The following PPA2 variants were observed in gnomAD, a reference collection of about 807,000 sequenced individuals.
PPA2 encodes inorganic pyrophosphatase 2, mitochondrial.
Under a neutral mutation model 49.5 loss-of-function variants are expected in PPA2, and 48 were observed. The observed-to-expected ratio is 0.97, with a 90% CI of 0.77 to 1.23. The LOEUF (loss-of-function observed/expected upper bound fraction) is 1.23, where lower values mean the gene tolerates loss of function less well. PPA2 is among the 50% of genes most tolerant of loss of function. PPA2 has a pLI of 0.00. For missense variants in PPA2, 429 were observed against 410.1 expected (o/e 1.05, Z -0.40); for synonymous variants, 131 against 139.9 (o/e 0.94, Z 0.45).
At chr4:105,428,117 A>G (rs1723612489) in intron 6 of PPA2, among the ~76,000 whole-genome samples, 1 of 152,202 alleles carries the variant, frequency 6.6e-6, no homozygotes, top group African/African-American at 2.4e-5. Flanking sequence ...TAAGTGAAGG[A>G]GAGATAAAAT....
At chr4:105,442,246 CATT>C (rs1165211375) in intron 5 of PPA2, among the ~76,000 whole-genome samples, 4 of 152,154 alleles carry the variant, frequency 2.6e-5, no homozygotes, top group East Asian at 1.9e-4. Context: ...CAATCATCAT[CATT>C]GAGTTAATAT....
intron 10 of PPA2, among the ~76,000 whole-genome samples, chr4:105,376,955 C>T (rs41485844): frequency 6.6e-6 from 1 of 152,080 alleles, no homozygotes; most frequent in Non-Finnish European, 1.5e-5. Flanking sequence ...TTGCATAATG[C>T]CTAGAGTGTT....
chr4:105,420,400 C>A (rs987211407), intron 7 of PPA2, among the ~76,000 whole-genome samples: 2 of 152,074 alleles, frequency 1.3e-5, no homozygotes, highest in Non-Finnish European at 2.9e-5. Flanking sequence ...GCAACCATGC[C>A]GGCCAAGGAT....
chr4:105,384,132 C>T (rs1733596676), intron 10 of PPA2, among the ~76,000 whole-genome samples: 1 of 152,162 alleles, frequency 6.6e-6, no homozygotes, highest in Non-Finnish European at 1.5e-5. Flanking sequence ...CGAAATCATT[C>T]ATGAGGGTGC....
intron 7 of PPA2, among the ~76,000 whole-genome samples, chr4:105,416,336 C>A (rs1338078570): frequency 6.6e-6 from 1 of 152,104 alleles, no homozygotes; most frequent in African/African-American, 2.4e-5. Flanking sequence ...AAAAGTAATA[C>A]CCTATCTCTT....
At chr4:105,385,452 A>C (rs1455689297) in intron 10 of PPA2, among the ~76,000 whole-genome samples, 1 of 150,954 alleles carries the variant, frequency 6.6e-6, no homozygotes, top group African/African-American at 2.4e-5. Flanking sequence ...AAAAACAAAC[A>C]AAAAAAACAA....
rs571749567 is a variant in PPA2, at chr4:105,449,342, A to G, written c.321+8T>C. The G allele has an allele frequency of 8.4e-6, 13 of 1,538,716 alleles. No homozygotes were observed. Among genetic ancestry groups the G allele is most frequent in the Non-Finnish European group, 1.1e-5 (12 of 1,119,174 alleles). On this transcript the variant is annotated splice_region_variant and intron_variant, in intron 4 of 11. Coordinates refer to ENST00000341695, the MANE Select transcript of PPA2 (RefSeq NM_176869.3). ...TTTCGGTTTCATATTAATAAAGTATATCGGTACCTCCATTTTAGCATTTGT... is the reference window on the plus strand; with the variant it reads ...TTTCGGTTTCATATTAATAAAGTATGTCGGTACCTCCATTTTAGCATTTGT...
At chr4:105,443,912 C>G (rs1343089309) in intron 5 of PPA2, among the ~76,000 whole-genome samples, 1 of 152,168 alleles carries the variant, frequency 6.6e-6, no homozygotes, top group Non-Finnish European at 1.5e-5. Context: ...TCAAATAACA[C>G]CTTTTCACTG....
chr4:105,395,751 AGT>A (rs1734113252), intron 9 of PPA2, among the ~76,000 whole-genome samples: 2 of 152,164 alleles, frequency 1.3e-5, no homozygotes, highest in Non-Finnish European at 2.9e-5. Context: ...GTTATGTTAG[AGT>A]GTATATAAAA....
At chr4:105,461,674 G>T (rs1174336095) in intron 1 of PPA2, among the ~76,000 whole-genome samples, 1 of 152,148 alleles carries the variant, frequency 6.6e-6, no homozygotes, top group East Asian at 1.9e-4. Context: ...CAACTGAGGG[G>T]CTCAGAATTT....
chr4:105,410,200 A>G (rs1028438654), intron 7 of PPA2, among the ~76,000 whole-genome samples: 4 of 152,254 alleles, frequency 2.6e-5, no homozygotes, highest in African/African-American at 9.6e-5. Context: ...TAGAATAAAC[A>G]GTGTAGAGAA....
At chr4:105,428,556 G>A (rs987462367) in intron 6 of PPA2, among the ~76,000 whole-genome samples, 1 of 150,428 alleles carries the variant, frequency 6.6e-6, no homozygotes, top group Non-Finnish European at 1.5e-5. Context: ...TTTCAATCCT[G>A]GTCTCTGATA....
intron 1 of PPA2, chr4:105,473,621 G>A (rs1013391541): frequency 5.8e-6 from 4 of 685,246 alleles, no homozygotes; most frequent in African/African-American, 5.3e-5. Flanking sequence ...GAGGGCGGCT[G>A]GCAGGGCACA....
At chr4:105,453,823 A>G (rs1722766175) in intron 2 of PPA2, 181 bp from the exon 3 acceptor site, 1 of 435,552 alleles carries the variant, frequency 2.3e-6, no homozygotes, top group South Asian at 7.1e-5. Flanking sequence ...GTATCCCCAG[A>G]ATAGAGCATC....
intron 3 of PPA2, among the ~76,000 whole-genome samples, chr4:105,449,747 G>A (rs1375066622): frequency 1.3e-5 from 2 of 152,310 alleles, no homozygotes; most frequent in East Asian, 3.9e-4. Flanking sequence ...AGTCCCTCAT[G>A]TAAGGATTCA....
intron 10 of PPA2, among the ~76,000 whole-genome samples, chr4:105,377,486 T>C (rs1466542517): frequency 2.0e-5 from 3 of 152,076 alleles, no homozygotes; most frequent in Non-Finnish European, 2.9e-5. Flanking sequence ...ATTAAAGAAC[T>C]GAGATTTGGA....
chr4:105,438,183 C>A, intron 5 of PPA2, 147 bp from the exon 6 acceptor site: 1 of 597,306 alleles, frequency 1.7e-6, no homozygotes. Context: ...GCCAACAGGC[C>A]AGTATGTCCC....
chr4:105,431,709 A>C (rs181554437), intron 6 of PPA2, among the ~76,000 whole-genome samples: 71 of 152,354 alleles, frequency 4.7e-4, no homozygotes, highest in African/African-American at 1.6e-3. Flanking sequence ...ATGGATAAGT[A>C]AAAGGTAATA....
At chr4:105,407,897 T>C (rs1244182528) in intron 7 of PPA2, among the ~76,000 whole-genome samples, 4 of 152,130 alleles carry the variant, frequency 2.6e-5, no homozygotes, top group Non-Finnish European at 5.9e-5. Context: ...GATGGAAATG[T>C]TTTGTATTAT....
Sources: allele counts gnomAD v4.1 joint callset (sites outside exome capture counted in the v4.1 genomes callset), GRCh38; gene constraint gnomAD v4.1.1; transcripts MANE v1.5; gene names NCBI Gene and HGNC (gene_info 2026-07-23, HGNC 2026-07-21).